The following SHANK2 variants were observed in gnomAD, a reference collection of about 807,000 sequenced individuals.
SHANK2 encodes SH3 and multiple ankyrin repeat domains 2.
A neutral mutation model predicts 133.7 loss-of-function variants in SHANK2; 43 were observed. That is an observed-to-expected ratio of 0.32 (90% CI 0.25 to 0.41). The LOEUF (loss-of-function observed/expected upper bound fraction) is 0.41. Ranked by LOEUF, SHANK2 falls within the 10% of genes least tolerant of loss-of-function variation. The pLI, the probability that SHANK2 is intolerant of heterozygous loss-of-function variation, is 1.00. For missense variants in SHANK2, 1,994 were observed against 2,235.8 expected (o/e 0.89, Z 2.18); for synonymous variants, 1,017 against 952.8 (o/e 1.07, Z -1.24).
At chr11:71,062,458 T>C (rs1300035889) in intron 9 of SHANK2, among the ~76,000 whole-genome samples, 1 of 152,002 alleles carries the variant, frequency 6.6e-6, no homozygotes, top group Non-Finnish European at 1.5e-5. Context: ...AGGGACCTCA[T>C]GGGGGTAGGC....
chr11:70,540,345 C>T (rs75793745), intron 17 of SHANK2, among the ~76,000 whole-genome samples: 3,314 of 147,830 alleles, frequency 0.022, 57 homozygotes, highest in Non-Finnish European at 0.036. Context: ...GTCAAGGGGA[C>T]GGCGTCTGAG....
chr11:70,820,517 G>C lies in SHANK2; in HGVS notation c.1340C>G (p.Pro447Arg), dbSNP rs1014315607. 7.0e-6 allele frequency: 5 copies of C among 717,022 alleles called. No individual in the cohort carries two copies. The highest frequency in any genetic ancestry group is 1.3e-5 in the Non-Finnish European group (5 of 384,804). 44.4% of individuals were successfully genotyped at this position (717,022 alleles called of 1,614,324 possible). Residue 447 changes from proline to arginine, a missense_variant, in exon 12 of 26, where the codon CCC becomes CGC. Physicochemically the swap from Pro to Arg is moderately radical, Grantham distance 103. Around this residue, in one of 5 missense-constraint regions of SHANK2, gnomAD observed 653 missense variants for 563.4 expected, o/e 1.16. Transcript: ENST00000601538. Reference protein sequence around the residue: ...STATSHRSLSPQLLQQMPSKP... With the variant: ...STATSHRSLSRQLLQQMPSKP... ...GCTGGGCATCTGCTGCAGCAGCTGG[G>C]GTGACAGGCTGCGGTGCGAGGTGGC...
chr11:70,880,445 C>G (rs1555072203), intron 11 of SHANK2, among the ~76,000 whole-genome samples: 1 of 152,180 alleles, frequency 6.6e-6, no homozygotes, highest in African/African-American at 2.4e-5. Context: ...GCAGGGACAG[C>G]TCCTGCCTGT....
intron 17 of SHANK2, among the ~76,000 whole-genome samples, chr11:70,576,612 C>T (rs567647279): frequency 1.3e-5 from 2 of 152,092 alleles, no homozygotes; most frequent in African/African-American, 2.4e-5. Context: ...ACTGCAGCCT[C>T]GGCGACAGAG....
chr11:70,699,465 C>T (rs535735322), intron 14 of SHANK2, among the ~76,000 whole-genome samples: 1 of 152,250 alleles, frequency 6.6e-6, no homozygotes, highest in South Asian at 2.1e-4. Context: ...GTTTACTTTC[C>T]TCCCAAACAG....
intron 9 of SHANK2, among the ~76,000 whole-genome samples, chr11:71,065,886 G>GT (rs1951049180): frequency 9.3e-6 from 1 of 107,062 alleles, no homozygotes; most frequent in Non-Finnish European, 2.0e-5. Flanking sequence ...AGTTGGGGGG[G>GT]ATACAGAACT....
chr11:71,118,807 T>C (rs1555100866), intron 4 of SHANK2, 22 bp downstream of exon 4: 3 of 1,528,122 alleles, frequency 2.0e-6, no homozygotes, highest in East Asian at 2.5e-5. Flanking sequence ...CCACAGTCCA[T>C]GCACTGTGGG....
At chr11:70,595,624 C>G (rs2060389123) in intron 17 of SHANK2, among the ~76,000 whole-genome samples, 1 of 152,238 alleles carries the variant, frequency 6.6e-6, no homozygotes, top group South Asian at 2.1e-4. Flanking sequence ...GGCTCAGGTT[C>G]CCCTGGACCG....
intron 17 of SHANK2, among the ~76,000 whole-genome samples, chr11:70,653,059 G>A (rs1036752567): frequency 6.0e-5 from 9 of 150,182 alleles, no homozygotes; most frequent in African/African-American, 1.7e-4. Flanking sequence ...TGCAAGCTCC[G>A]CCTCCCAGGT....
At position 70,569,098 on chromosome 11, in the gene SHANK2, G is replaced by C. The variant is rs1166334476; in HGVS notation, c.2062-66167C>G. 6.6e-6 allele frequency among the ~76,000 whole-genome samples: 1 copy of C among 152,196 alleles called. No individual in the cohort carries two copies. Among genetic ancestry groups the C allele is most frequent in the Non-Finnish European group, 1.5e-5 (1 of 68,038 alleles). ...TTACAGTGAACGGAGCCAGGAAAGCGAATCTGCCTTGACTTGTCCTGGATT... is the reference window on the plus strand; with the variant it reads ...TTACAGTGAACGGAGCCAGGAAAGCCAATCTGCCTTGACTTGTCCTGGATT... On this transcript the variant is annotated intron_variant, in intron 17 of 25. Coordinates refer to ENST00000601538, the MANE Select transcript of SHANK2 (RefSeq NM_012309.5). The surrounding 1 kb of genome is among the most constrained non-coding windows in gnomAD (Gnocchi z 5.1).
intron 8 of SHANK2, among the ~76,000 whole-genome samples, chr11:71,091,371 C>A (rs1317998468): frequency 6.6e-6 from 1 of 152,154 alleles, no homozygotes; most frequent in African/African-American, 2.4e-5. Flanking sequence ...TGCTGGCACC[C>A]CCACTGCCCA....
At chr11:70,600,597 T>G (rs547231820) in intron 17 of SHANK2, among the ~76,000 whole-genome samples, 2 of 152,006 alleles carry the variant, frequency 1.3e-5, no homozygotes, top group Non-Finnish European at 2.9e-5. Context: ...GGTGCTCAGA[T>G]AGACAAATGG....
At chr11:70,511,419 G>A (rs1180260533) in intron 17 of SHANK2, among the ~76,000 whole-genome samples, 1 of 152,218 alleles carries the variant, frequency 6.6e-6, no homozygotes, top group Non-Finnish European at 1.5e-5. Flanking sequence ...CTCATGTGGT[G>A]ACAGAAACTG....
intron 1 of SHANK2, among the ~76,000 whole-genome samples, chr11:71,251,588 G>T (rs1948180854): frequency 6.6e-6 from 1 of 151,536 alleles, no homozygotes; most frequent in Admixed American, 6.6e-5. Context: ...CCGGGCGAAA[G>T]TTGCCAGGGA....
At chr11:71,115,434 A>G (rs1378937545) in intron 4 of SHANK2, among the ~76,000 whole-genome samples, 1 of 152,202 alleles carries the variant, frequency 6.6e-6, no homozygotes, top group Non-Finnish European at 1.5e-5. Flanking sequence ...ACACCACTGC[A>G]CTCTAGCCTG....
intron 17 of SHANK2, among the ~76,000 whole-genome samples, chr11:70,562,259 A>G (rs1745404172): frequency 6.6e-6 from 1 of 152,240 alleles, no homozygotes. Flanking sequence ...TTGAAAACAA[A>G]GCACAGAGGA....
chr11:70,732,842 C>T (rs1444778980), intron 14 of SHANK2, among the ~76,000 whole-genome samples: 2 of 152,246 alleles, frequency 1.3e-5, no homozygotes, highest in South Asian at 4.1e-4. Context: ...GCTGCCATTT[C>T]CCTGCAGGGG....
chr11:70,917,594 G>A (rs1555080052), intron 10 of SHANK2, among the ~76,000 whole-genome samples: 1 of 152,146 alleles, frequency 6.6e-6, no homozygotes, highest in African/African-American at 2.4e-5. Flanking sequence ...GCAATGACAT[G>A]GAGTCATCCT....
intron 10 of SHANK2, among the ~76,000 whole-genome samples, chr11:70,922,822 G>A (rs916086780): frequency 1.3e-5 from 2 of 152,096 alleles, no homozygotes; most frequent in Non-Finnish European, 2.9e-5. Flanking sequence ...GTTTCTAAAC[G>A]TGTTACCACA....
Sources: gnomAD v4.1 joint callset for allele counts (sites outside exome capture counted in the v4.1 genomes callset) on GRCh38, gnomAD v4.1.1 for gene constraint, gnomAD v4.1.1 regional missense constraint, Gnocchi (gnomAD v3.1) non-coding constraint, MANE v1.5 for transcripts, NCBI Gene and HGNC (gene_info 2026-07-23, HGNC 2026-07-21) for gene names.